The following ANGPTL6 variants were observed in gnomAD, a reference collection of about 807,000 sequenced individuals.
ANGPTL6 encodes angiopoietin like 6.
Under a neutral mutation model 47.4 loss-of-function variants are expected in ANGPTL6, and 45 were observed. The ratio of observed to expected loss-of-function variants is 0.95; its 90% CI spans 0.75 to 1.22. The LOEUF is 1.22. Among genes scored for constraint, ANGPTL6 ranks in the 50% most tolerant of loss-of-function variants. The pLI is 0.00. For missense variants in ANGPTL6, 698 were observed against 669.4 expected (o/e 1.04, Z -0.47); for synonymous variants, 290 against 295.9 (o/e 0.98, Z 0.20).
rs1238552502 is a variant in ANGPTL6 at position 10,096,493 on chromosome 19, G to A, written c.71C>T (p.Ala24Val). The A allele has an allele frequency of 1.3e-6, 2 of 1,511,126 alleles. No homozygotes were observed. Among genetic ancestry groups the A allele is most frequent in the South Asian group, 1.2e-5 (1 of 82,766 alleles). 93.6% of individuals were successfully genotyped at this position (1,511,126 alleles called of 1,614,324 possible). ...CACGAAGGTGTAGGTGCAGCGCGGG[G>A]CGCCCGCCCGCGCCCACGACGCGCC... ...LLGASWARAG[A>V]PRCTYTFVLP... Residue 24 changes from alanine to valine, a missense_variant, in exon 2 of 6, where the codon GCC (alanine) becomes GTC (valine). Transcript: ENST00000253109.
chr19:10,099,504 G>A (rs1456312088), intron 1 of ANGPTL6, among the ~76,000 whole-genome samples: 1 of 150,066 alleles, frequency 6.7e-6, no homozygotes, highest in Non-Finnish European at 1.5e-5. Context: ...TTGAACCCGG[G>A]AGGCAGAGCT....
rs1027901695 is a variant in ANGPTL6, at chr19:10,096,265, C to G, written c.299G>C (p.Ser100Thr). 2 of 1,192,762 alleles carry G rather than the reference C, an allele frequency of 1.7e-6. No individual in the cohort carries two copies. Among genetic ancestry groups the G allele is most frequent in the African/African-American group, 3.2e-5 (2 of 62,360 alleles). 73.9% of individuals were successfully genotyped at this position (1,192,762 alleles called of 1,614,324 possible). Residue 100 changes from serine (S) to threonine (T), a missense_variant, in exon 2 of 6, where the codon AGC becomes ACC. Physicochemically the swap from Ser to Thr is moderately conservative, Grantham distance 58. Transcript: ENST00000253109. The part of the protein sequence containing the change: ...AGEVRALRKE[S>T]RGLSARLGQL... The stretch of plus-strand genomic sequence containing the variant: ...GCCCAGGCGCGCGCTCAGGCCGCGG[C>G]TCTCCTTGCGCAGCGCGCGCACCTC...
chr19:10,104,295 TTTTTG>T (rs2088761195), upstream of ANGPTL6, among the ~76,000 whole-genome samples: 2 of 94,930 alleles, frequency 2.1e-5, no homozygotes, highest in Non-Finnish European at 4.2e-5. Flanking sequence ...TTTGGTGTTT[TTTTTG>T]TTTTGTTTGT....
chr19:10,102,005 A>G (rs1254341489), intron 1 of ANGPTL6, among the ~76,000 whole-genome samples: 1 of 147,114 alleles, frequency 6.8e-6, no homozygotes, highest in Non-Finnish European at 1.5e-5. Context: ...AGCCCCAGCC[A>G]CTCCAGAGAC....
In ANGPTL6 at chr19:10,096,243, C is replaced by T. The variant is rs1007908627; in HGVS notation, c.321G>A (p.Leu107=). ...GCTGCAGCTGCGCGCGCAACTGGCC[C>T]AGGCGCGCGCTCAGGCCGCGGCTCT... The part of the protein sequence containing the change: ...RKESRGLSAR[L]GQLRAQLQHE... The change falls in exon 2 of 6, where the codon CTG becomes CTA. Residue 107 remains leucine, a synonymous_variant. Transcript: ENST00000253109. 7 of 1,182,580 alleles carry T rather than the reference C, an allele frequency of 5.9e-6. No homozygotes were observed. The highest frequency in any genetic ancestry group is 7.3e-6 in the Non-Finnish European group (7 of 957,492). 73.3% of individuals were successfully genotyped at this position (1,182,580 alleles called of 1,614,324 possible).
At chr19:10,097,729 T>A (rs553697268) in intron 1 of ANGPTL6, among the ~76,000 whole-genome samples, 3 of 152,058 alleles carry the variant, frequency 2.0e-5, no homozygotes, top group Admixed American at 6.6e-5. Flanking sequence ...GGCGGGCACT[T>A]GTAGTCCCAG....
rs1414005031 is a variant in ANGPTL6 at position 10,093,394 on chromosome 19, C to G, written c.1177G>C (p.Asp393His). 1.2e-6 allele frequency: 2 copies of G among 1,614,146 alleles called. No individual in the cohort carries two copies. Among genetic ancestry groups the G allele is most frequent in the Non-Finnish European group, 1.7e-6 (2 of 1,180,022 alleles). ...CTATCCACGGTGCTGAAGGGCTTGTCATTGTGCCAGGAAAGAGAGTCTCCA... is the reference window on the plus strand; with the variant it reads ...CTATCCACGGTGCTGAAGGGCTTGTGATTGTGCCAGGAAAGAGAGTCTCCA... ...DAGDSLSWHN[D>H]KPFSTVDRDR... The change falls in exon 5 of 6, where the codon GAC (aspartate) becomes CAC (histidine). Residue 393 changes from aspartate to histidine, a missense_variant. Asp to His is a moderately conservative substitution (Grantham distance 81, BLOSUM62 -1). Transcript: ENST00000253109.
chr19:10,103,740 A>C (rs1211616131), upstream of ANGPTL6, among the ~76,000 whole-genome samples: 1 of 151,346 alleles, frequency 6.6e-6, no homozygotes, highest in African/African-American at 2.4e-5. Context: ...TAAAGTGAAA[A>C]CCCTACCTCA....
intron 1 of ANGPTL6, 138 bp from the exon 2 acceptor site, chr19:10,096,711 C>T (rs2088554743): frequency 9.3e-6 from 6 of 643,684 alleles, no homozygotes; most frequent in Non-Finnish European, 1.5e-5. Flanking sequence ...ATTCCCCCCA[C>T]GGCTGGAGGG....
intron 5 of ANGPTL6, 53 bp from the exon 6 acceptor site, chr19:10,092,832 T>A (rs1375722631): frequency 2.1e-6 from 3 of 1,455,078 alleles, no homozygotes; most frequent in Non-Finnish European, 2.8e-6. Flanking sequence ...AGCCTCTACC[T>A]GCACCTCACA....
Position 10,096,099 on chromosome 19 carries a change from G to A in ANGPTL6, c.465C>T (p.Ala155=). 2.7e-6 allele frequency: 4 copies of A among 1,491,236 alleles called. No homozygotes were observed. Among genetic ancestry groups the A allele is most frequent in the South Asian group, 2.5e-5 (2 of 79,558 alleles). The allele number at this position is 1,491,236 out of a possible 1,614,324, so 92.4% of individuals were successfully genotyped here. Residue 155 remains alanine (A), a synonymous_variant, in exon 2 of 6, where the codon GCC becomes GCT. Coordinates refer to ENST00000253109, the MANE Select transcript of ANGPTL6 (RefSeq NM_031917.3). ...NASAEAQRAA[A]RFHQLDVKFR... ...ACTTGACGTCCAGCTGGTGGAACCG[G>A]GCGGCTGCGCGCTGAGCCTCGGCGG...
chr19:10,103,819 G>A (rs368919328), upstream of ANGPTL6, among the ~76,000 whole-genome samples: 7 of 151,090 alleles, frequency 4.6e-5, no homozygotes, highest in Middle Eastern at 3.4e-3. Flanking sequence ...GTAAGGCTGG[G>A]CGCGGTGGCT....
intron 1 of ANGPTL6, among the ~76,000 whole-genome samples, chr19:10,100,829 C>T (rs1358557190): frequency 6.6e-6 from 1 of 152,028 alleles, no homozygotes; most frequent in African/African-American, 2.4e-5. Context: ...GTGACAGTCC[C>T]GGAGGTGGGG....
chr19:10,103,852 T>C (rs1431242925), upstream of ANGPTL6, among the ~76,000 whole-genome samples: 1 of 150,208 alleles, frequency 6.7e-6, no homozygotes, highest in Non-Finnish European at 1.5e-5. Flanking sequence ...CCCAGCACTT[T>C]GGGAGGCCAA....
At position 10,093,343 on chromosome 19, in the gene ANGPTL6, C is replaced by T; in HGVS notation, c.1222+6G>A. On this transcript the variant is annotated splice_donor_region_variant and intron_variant, in intron 5 of 5. Coordinates refer to ENST00000253109, the MANE Select transcript of ANGPTL6 (RefSeq NM_031917.3). Reference sequence around the variant, plus strand: ...ATCCTCTCACCAGAATAGGAGTTCTCCTTACCAGAATAGGAGTCTCGGTCC... The same window carrying T: ...ATCCTCTCACCAGAATAGGAGTTCTTCTTACCAGAATAGGAGTCTCGGTCC... 1 of 1,609,740 alleles carries T rather than the reference C, an allele frequency of 6.2e-7. No homozygotes were observed. The highest frequency in any genetic ancestry group is 2.2e-5 in the East Asian group (1 of 44,738).
In ANGPTL6 at chr19:10,096,547, A is replaced by C. The variant is rs2088549903; in HGVS notation, c.17T>G (p.Leu6Arg). The C allele has an allele frequency of 6.6e-7, 1 of 1,511,524 alleles. No individual in the cohort carries two copies. Among genetic ancestry groups the C allele is most frequent in the Admixed American group, 2.1e-5 (1 of 47,490 alleles). The allele number at this position is 1,511,524 out of a possible 1,614,324, so 93.6% of individuals were successfully genotyped here. Residue 6 changes from leucine (L) to arginine (R), a missense_variant, in exon 2 of 6, where the codon CTG (leucine) becomes CGG (arginine). Physicochemically the swap from Leu to Arg is moderately radical, Grantham distance 102. Coordinates refer to ENST00000253109, the MANE Select transcript of ANGPTL6 (RefSeq NM_031917.3). The stretch of plus-strand genomic sequence containing the variant: ...CAGGAGCAGCAGCTGTAGCGCACGC[A>C]GCCAGGGCTTCCCCATCGCGGCGGA... Reference protein sequence around the residue: MGKPWLRALQLLLLLG... With the variant: MGKPWRRALQLLLLLG...
chr19:10,094,655 AT>A, intron 3 of ANGPTL6, 102 bp downstream of exon 3: 1 of 1,381,626 alleles, frequency 7.2e-7, no homozygotes, highest in African/African-American at 1.4e-5. Context: ...GAATAGGAGT[AT>A]CATTTCTTCT....
chr19:10,092,948 C>A (rs989955180), intron 5 of ANGPTL6, 169 bp from the exon 6 acceptor site: 11 of 548,420 alleles, frequency 2.0e-5, no homozygotes, highest in Non-Finnish European at 3.4e-5. Context: ...GGCCCCCCAA[C>A]TTTCTTCAGA....
At position 10,093,445 on chromosome 19, in the gene ANGPTL6, G is replaced by T; in HGVS notation, c.1126C>A (p.Arg376=). The change falls in exon 5 of 6, where the codon CGG becomes AGG. Residue 376 remains arginine (R), a synonymous_variant. Transcript: ENST00000253109. Reference sequence around the variant, plus strand: ...GCATCACCATGGTACTGGCCAAGCCGCAGGCGGTAGTGGTCGCTCTCGGGT... The same window carrying T: ...GCATCACCATGGTACTGGCCAAGCCTCAGGCGGTAGTGGTCGCTCTCGGGT... ...LEPESDHYRL[R]LGQYHGDAGD... 6.2e-7 allele frequency: 1 copy of T among 1,614,176 alleles called. No individual in the cohort carries two copies. Among genetic ancestry groups the T allele is most frequent in the Non-Finnish European group, 8.5e-7 (1 of 1,180,032 alleles).
Sources: gnomAD v4.1 joint callset for allele counts (sites outside exome capture counted in the v4.1 genomes callset) on GRCh38, gnomAD v4.1.1 for gene constraint, MANE v1.5 for transcripts, NCBI Gene and HGNC (gene_info 2026-07-23, HGNC 2026-07-21) for gene names.